DIP2C: variants seen among roughly 807,000 people sequenced by gnomAD.
The protein encoded by DIP2C is disco-interacting protein 2 homolog C.
A neutral mutation model predicts 192.4 loss-of-function variants in DIP2C; 33 were observed. The observed-to-expected ratio is 0.17, with a 90% CI of 0.13 to 0.23. The LOEUF is 0.23. Among genes scored for constraint, DIP2C ranks in the 10% least tolerant of loss-of-function variants. The pLI is 1.00. For synonymous variants in DIP2C, 979 were observed against 864.1 expected (o/e 1.13, Z -2.33); for missense variants, 1,537 against 2,110.1 (o/e 0.73, Z 5.32).
chr10:510,638 A>G (rs552677592), intron 1 of DIP2C, among the ~76,000 whole-genome samples: 1 of 152,374 alleles, frequency 6.6e-6, no homozygotes, highest in South Asian at 2.1e-4. Context: ...GGATAAGCTG[A>G]ACAAAACTCT....
At chr10:484,310 T>C (rs1041272155) in intron 2 of DIP2C, among the ~76,000 whole-genome samples, 8 of 152,230 alleles carry the variant, frequency 5.3e-5, no homozygotes, top group Non-Finnish European at 1.5e-5. Flanking sequence ...ACATACTCTA[T>C]GATTAACTGC....
chr10:491,877 C>T (rs541792690), intron 1 of DIP2C, among the ~76,000 whole-genome samples: 3 of 152,190 alleles, frequency 2.0e-5, no homozygotes, highest in Non-Finnish European at 4.4e-5. Flanking sequence ...GGTATCGCCC[C>T]GTCAGGGGAG....
intron 1 of DIP2C, among the ~76,000 whole-genome samples, chr10:625,145 G>A (rs1384172108): frequency 2.0e-5 from 3 of 152,152 alleles, no homozygotes; most frequent in East Asian, 1.9e-4. Context: ...TGTCCTCAGC[G>A]GGTCACTGTT....
intron 1 of DIP2C, among the ~76,000 whole-genome samples, chr10:583,135 A>G (rs1042178175): frequency 1.4e-4 from 21 of 152,352 alleles, no homozygotes; most frequent in South Asian, 4.1e-4. Flanking sequence ...ATGCATGAGC[A>G]TATCTCCTCC....
chr10:474,702 G>A (rs760614018), intron 2 of DIP2C, among the ~76,000 whole-genome samples: 2 of 152,260 alleles, frequency 1.3e-5, no homozygotes, highest in African/African-American at 4.8e-5. Context: ...ACATCCGAAA[G>A]TGCTTCTCTT....
chr10:304,722 C>T (rs1036032019), intron 32 of DIP2C, among the ~76,000 whole-genome samples: 5 of 150,334 alleles, frequency 3.3e-5, no homozygotes, highest in Non-Finnish European at 4.4e-5. Flanking sequence ...TGCATGCACA[C>T]ACGTACACAT....
At position 576,284 on chromosome 10, in the gene DIP2C, C is replaced by G. The variant is rs577090377; in HGVS notation, c.86-89754G>C. Among the ~76,000 whole-genome samples the G allele has an allele frequency of 6.2e-4, 94 of 152,322 alleles. 1 individual carries two copies. Among genetic ancestry groups the G allele is most frequent in the African/African-American group, 2.1e-3 (87 of 41,572 alleles). ...CCCAAGCCAAAGCAACACTGCGAGGCAAACGCCACAGACCACATCACACTC... is the reference window on the plus strand; with the variant it reads ...CCCAAGCCAAAGCAACACTGCGAGGGAAACGCCACAGACCACATCACACTC... On this transcript the variant is annotated intron_variant, in intron 1 of 36. Transcript: ENST00000280886.
At chr10:405,941 A>AG (rs1964774951) in intron 9 of DIP2C, among the ~76,000 whole-genome samples, 2 of 152,174 alleles carry the variant, frequency 1.3e-5, no homozygotes, top group South Asian at 2.1e-4. Context: ...AGCCCTTCTC[A>AG]GATAATCTTT....
In DIP2C at chr10:683,685, G is replaced by T. The variant is rs554364745; in HGVS notation, c.85+5809C>A. Among the ~76,000 whole-genome samples, 9 of 152,306 alleles carry T rather than the reference G, an allele frequency of 5.9e-5. No individual in the cohort carries two copies. The South Asian group carries it at 1.9e-3, about 32-fold the overall frequency. On this transcript the variant is annotated intron_variant, in intron 1 of 36. Coordinates refer to ENST00000280886, the MANE Select transcript of DIP2C (RefSeq NM_014974.3). ...GTCTGAGTAACGATGAGAAGAGCAA[G>T]AAATGAGCTTAATAATGGGACTGAC...
intron 4 of DIP2C, among the ~76,000 whole-genome samples, chr10:428,364 T>C (rs1360483380): frequency 8.5e-5 from 13 of 152,166 alleles, no homozygotes; most frequent in Admixed American, 7.9e-4. Flanking sequence ...TTCTCTCAGC[T>C]TTCATGTGTG....
intron 3 of DIP2C, among the ~76,000 whole-genome samples, chr10:464,873 T>G (rs1026097128): frequency 2.0e-5 from 3 of 151,382 alleles, no homozygotes; most frequent in African/African-American, 7.3e-5. Context: ...AATAACAGGA[T>G]CTGAAATTGT....
chr10:366,570 AAGAGCC>A, intron 18 of DIP2C, among the ~76,000 whole-genome samples, 159 bp from the exon 19 acceptor site: 1 of 152,326 alleles, frequency 6.6e-6, no homozygotes, highest in Middle Eastern at 3.4e-3. Context: ...ATTTTCCCTA[AAGAGCC>A]ATGAGTTTTC....
At chr10:617,174 G>A (rs540856618) in intron 1 of DIP2C, among the ~76,000 whole-genome samples, 102 of 58,436 alleles carry the variant, frequency 1.7e-3, no homozygotes, top group South Asian at 2.9e-3. Flanking sequence ...CCTGCCCCCC[G>A]CCCCTACTGT....
At chr10:335,768 ACTCTCTTTC>A (rs1752353868) in intron 29 of DIP2C, among the ~76,000 whole-genome samples, 1 of 151,856 alleles carries the variant, frequency 6.6e-6, no homozygotes, top group Non-Finnish European at 1.5e-5. Flanking sequence ...CACCATGAAG[ACTCTCTTTC>A]CTTTAACTAT....
At chr10:392,497 G>C (rs145811437) in intron 10 of DIP2C, among the ~76,000 whole-genome samples, 25 of 152,364 alleles carry the variant, frequency 1.6e-4, no homozygotes, top group African/African-American at 6.0e-4. Context: ...CAGCAGGCCT[G>C]GGAGGATGCG....
rs771989575 is a variant in DIP2C at position 358,325 on chromosome 10, C to T, written c.2795-388G>A. Reference sequence around the variant, plus strand: ...CAGAGACCTGTGGCTCCCGTCTGTTCGAGTTCTCTGGGGTCCACACACCTG... The same window carrying T: ...CAGAGACCTGTGGCTCCCGTCTGTTTGAGTTCTCTGGGGTCCACACACCTG... On this transcript the variant is annotated intron_variant, in intron 22 of 36. Transcript: ENST00000280886. Among the ~76,000 whole-genome samples the T allele has an allele frequency of 3.2e-4, 49 of 151,286 alleles. 1 individual carries two copies. Among genetic ancestry groups the T allele is most frequent in the South Asian group, 2.3e-3 (11 of 4,716 alleles).
At chr10:488,312 C>T (rs574298118) in intron 1 of DIP2C, among the ~76,000 whole-genome samples, 63 of 152,272 alleles carry the variant, frequency 4.1e-4, no homozygotes, top group African/African-American at 1.3e-3. Flanking sequence ...TGCTCCTTGC[C>T]GAGCTGCAAG....
intron 8 of DIP2C, among the ~76,000 whole-genome samples, chr10:412,342 G>T (rs1183411489): frequency 6.6e-6 from 1 of 152,238 alleles, no homozygotes; most frequent in Non-Finnish European, 1.5e-5. Flanking sequence ...TTCCCCGCAT[G>T]TAGGCGGGGA....
In DIP2C at chr10:382,259, G is replaced by C. The variant is rs549795202; in HGVS notation, c.1991+388C>G. Among the ~76,000 whole-genome samples the C allele has an allele frequency of 2.0e-3, 312 of 152,270 alleles. 1 individual carries two copies. The highest frequency in any genetic ancestry group is 0.014 in the Middle Eastern group (4 of 292). On this transcript the variant is annotated intron_variant, in intron 17 of 36. Coordinates refer to ENST00000280886, the MANE Select transcript of DIP2C (RefSeq NM_014974.3). ...TATACCAGTAAATCCCACAGCACAT[G>C]GAAGTCGGTAACACTACAAGAAAAG...
Sources: allele counts gnomAD v4.1 joint callset (sites outside exome capture counted in the v4.1 genomes callset), GRCh38; gene constraint gnomAD v4.1.1; transcripts MANE v1.5; gene names NCBI Gene and HGNC (gene_info 2026-07-23, HGNC 2026-07-21).